LRPPRC: variants seen among roughly 807,000 people sequenced by gnomAD.
The protein encoded by LRPPRC is leucine rich pentatricopeptide repeat containing, also known as leucine-rich PPR motif-containing protein, mitochondrial.
Under a neutral mutation model 180.3 loss-of-function variants are expected in LRPPRC, and 120 were observed. That is an observed-to-expected ratio of 0.67 (90% CI 0.57 to 0.77). The LOEUF is 0.77. LRPPRC is among the 30% of genes least tolerant of loss of function. The pLI is 0.00. For synonymous variants in LRPPRC, 723 were observed against 600.0 expected, an observed-to-expected ratio of 1.21 and a Z score of -3.00; for missense variants, 2,012 against 1,657.2, an observed-to-expected ratio of 1.21 and a Z score of -3.72.
chr2:43,977,392 T>C lies in LRPPRC; in HGVS notation c.470-116A>G, dbSNP rs1171452498. ...AACTATCACTTTAGCATTTCACCCATCCATCTTGGCGCTCAGACCTATCTA... is the reference window on the plus strand; with the variant it reads ...AACTATCACTTTAGCATTTCACCCACCCATCTTGGCGCTCAGACCTATCTA... On this transcript the variant is annotated intron_variant, in intron 3 of 37. Transcript: ENST00000260665. 4.2e-5 allele frequency: 33 copies of C among 792,286 alleles called. 1 individual carries two copies. The highest frequency in any genetic ancestry group is 3.0e-5 in the South Asian group (2 of 66,110). The allele number at this position is 792,286 out of a possible 1,614,324, so 49.1% of individuals were successfully genotyped here.
chr2:43,977,324 T>C, intron 3 of LRPPRC, 48 bp from the exon 4 acceptor site: 1 of 1,487,662 alleles, frequency 6.7e-7, no homozygotes, highest in Non-Finnish European at 9.3e-7. Context: ...TTGAAAATCC[T>C]ATGCTTTAAA....
At chr2:43,895,474 C>G (rs1458292243) in intron 35 of LRPPRC, among the ~76,000 whole-genome samples, 1 of 152,194 alleles carries the variant, frequency 6.6e-6, no homozygotes, top group African/African-American at 2.4e-5. Flanking sequence ...CTGGACAAGG[C>G]AACAGGGACT....
At chr2:43,911,358 C>T (rs1336470030) in intron 30 of LRPPRC, among the ~76,000 whole-genome samples, 2 of 151,824 alleles carry the variant, frequency 1.3e-5, no homozygotes, top group African/African-American at 4.8e-5. Flanking sequence ...CTAAATACGG[C>T]CCTATGATGC....
intron 14 of LRPPRC, among the ~76,000 whole-genome samples, chr2:43,955,474 GAAAAA>G (rs200193004): frequency 8.7e-6 from 1 of 115,276 alleles, no homozygotes. Context: ...GTCTCAAAAA[GAAAAA>G]AAAAAAAAAA....
At chr2:43,920,209 C>G (rs371756189) in intron 27 of LRPPRC, among the ~76,000 whole-genome samples, 1 of 151,810 alleles carries the variant, frequency 6.6e-6, no homozygotes, top group Non-Finnish European at 1.5e-5. Flanking sequence ...GATCTCAGTT[C>G]AGTGTAACCT....
At chr2:43,901,652 A>T in intron 31 of LRPPRC, 128 bp from the exon 32 acceptor site, 2 of 684,086 alleles carry the variant, frequency 2.9e-6, no homozygotes, top group Non-Finnish European at 5.2e-6. Flanking sequence ...AATTAATTTT[A>T]GATTACAGAA....
Position 43,969,151 on chromosome 2 carries a change from G to A in LRPPRC, c.1369+4456C>T, listed in dbSNP as rs372481891. 1.1e-4 allele frequency among the ~76,000 whole-genome samples: 16 copies of A among 152,272 alleles called. No homozygotes were observed. The East Asian group carries it at 2.1e-3, about 20-fold the overall frequency. Reference sequence around the variant, plus strand: ...TCTCAGTCCGGGCGCAGAGGCTCACGCCTGTAATCCCAGCACTTTGGGAGG... The same window carrying A: ...TCTCAGTCCGGGCGCAGAGGCTCACACCTGTAATCCCAGCACTTTGGGAGG... On this transcript the variant is annotated intron_variant, in intron 11 of 37. Transcript: ENST00000260665.
intron 11 of LRPPRC, among the ~76,000 whole-genome samples, chr2:43,966,896 T>A (rs1673584908): frequency 2.0e-5 from 3 of 150,500 alleles, no homozygotes; most frequent in African/African-American, 7.3e-5. Context: ...ACTAAAAATA[T>A]AAAAATTTGC....
At chr2:43,993,271 C>T (rs1674867745) in intron 1 of LRPPRC, among the ~76,000 whole-genome samples, 1 of 152,182 alleles carries the variant, frequency 6.6e-6, no homozygotes, top group African/African-American at 2.4e-5. Context: ...CTCTGGTTGA[C>T]ATAATTAAGG....
At chr2:43,988,785 C>T (rs1185701699) in intron 1 of LRPPRC, among the ~76,000 whole-genome samples, 1 of 152,004 alleles carries the variant, frequency 6.6e-6, no homozygotes, top group African/African-American at 2.4e-5. Flanking sequence ...CCTCGTGATC[C>T]GCCCGCCTGA....
chr2:43,888,710 A>AGTGTTT, intron 37 of LRPPRC, 54 bp from the exon 38 acceptor site: 1 of 959,478 alleles, frequency 1.0e-6, no homozygotes, highest in Middle Eastern at 2.1e-4. Flanking sequence ...AGGTGATGGT[A>AGTGTTT]CATAACTTAA....
intron 23 of LRPPRC, among the ~76,000 whole-genome samples, chr2:43,940,180 T>A (rs1672428416): frequency 1.3e-5 from 2 of 152,200 alleles, no homozygotes; most frequent in Admixed American, 1.3e-4. Flanking sequence ...GCACTGATGA[T>A]GCTAAATTCT....
chr2:43,929,079 T>G (rs142449285), intron 25 of LRPPRC, among the ~76,000 whole-genome samples: 277 of 152,338 alleles, frequency 1.8e-3, no homozygotes, highest in Non-Finnish European at 3.0e-3. Flanking sequence ...CTGCATTTTT[T>G]GATACCGTAA....
At position 43,973,619 on chromosome 2, in the gene LRPPRC, T is replaced by C; in HGVS notation, c.1357A>G (p.Lys453Glu). The C allele has an allele frequency of 6.2e-7, 1 of 1,612,838 alleles. No individual in the cohort carries two copies. Among genetic ancestry groups the C allele is most frequent in the South Asian group, 1.1e-5 (1 of 91,054 alleles). Reference protein sequence around the residue: ...WPLLVGRRKEKNVQGIIEILK... With the variant: ...WPLLVGRRKEENVQGIIEILK... ...GGCAAAATCTAACCTTGAACATTTT[T>C]TTCCTTCCGACGTCCAACTAGCAAT... The change falls in exon 11 of 38, where the codon AAA (lysine) becomes GAA (glutamate). Residue 453 changes from lysine (K) to glutamate (E), a missense_variant. By Grantham distance (56) the Lys-to-Glu change is moderately conservative. Coordinates refer to ENST00000260665, the MANE Select transcript of LRPPRC (RefSeq NM_133259.4).
chr2:43,908,535 T>C (rs1232827415), intron 30 of LRPPRC, among the ~76,000 whole-genome samples: 2 of 151,988 alleles, frequency 1.3e-5, no homozygotes, highest in Non-Finnish European at 2.9e-5. Flanking sequence ...AGGAAAACTA[T>C]GGCCTTTTTT....
chr2:43,995,072 C>T (rs1203724514), intron 1 of LRPPRC, among the ~76,000 whole-genome samples: 1 of 152,110 alleles, frequency 6.6e-6, no homozygotes, highest in Non-Finnish European at 1.5e-5. Context: ...GAAACCCAGT[C>T]TCTACTAAAA....
intron 8 of LRPPRC, 40 bp downstream of exon 8, chr2:43,974,574 T>A: frequency 7.4e-7 from 1 of 1,359,386 alleles, no homozygotes; most frequent in Non-Finnish European, 1.0e-6. Flanking sequence ...GCAATTCAGA[T>A]TTTTATAAAA....
intron 1 of LRPPRC, among the ~76,000 whole-genome samples, chr2:43,994,513 G>A (rs1674932319): frequency 6.6e-6 from 1 of 152,168 alleles, no homozygotes; most frequent in Non-Finnish European, 1.5e-5. Flanking sequence ...AGCTAAGGAA[G>A]CTGAGGCCTG....
rs1329229276 is a variant in LRPPRC at position 43,995,987 on chromosome 2, A to G, written c.-40T>C. 3 of 1,522,470 alleles carry G rather than the reference A, an allele frequency of 2.0e-6. No individual in the cohort carries two copies. Among genetic ancestry groups the G allele is most frequent in the East Asian group, 2.5e-5 (1 of 39,232 alleles). The allele number at this position is 1,522,470 out of a possible 1,614,324, so 94.3% of individuals were successfully genotyped here. On this transcript the variant is annotated 5_prime_UTR_variant, in exon 1 of 38. Coordinates refer to ENST00000260665, the MANE Select transcript of LRPPRC (RefSeq NM_133259.4). The stretch of plus-strand genomic sequence containing the variant: ...CGCAGCGGGAAGCACGCTCCGCCAG[A>G]AGGACAGGAGGAGCATGTGACCGCA...
Sources: gnomAD v4.1 joint callset for allele counts (sites outside exome capture counted in the v4.1 genomes callset) on GRCh38, gnomAD v4.1.1 for gene constraint, MANE v1.5 for transcripts, NCBI Gene and HGNC (gene_info 2026-07-23, HGNC 2026-07-21) for gene names.